CPVL: variants seen among roughly 807,000 people sequenced by gnomAD.
The protein encoded by CPVL is carboxypeptidase vitellogenic like.
In CPVL, 51 loss-of-function variants were observed where a neutral mutation model predicts 63.7. The observed-to-expected ratio is 0.80, with a 90% CI of 0.64 to 1.01. The LOEUF (loss-of-function observed/expected upper bound fraction) is 1.01, where lower values mean the gene tolerates loss of function less well. Ranked by LOEUF, CPVL falls within the 50% of genes least tolerant of loss-of-function variation. The pLI, the probability that CPVL is intolerant of heterozygous loss-of-function variation, is 0.00. For synonymous variants in CPVL, 195 were observed against 206.0 expected, an observed-to-expected ratio of 0.95 and a Z score of 0.46; for missense variants, 530 against 573.1, an observed-to-expected ratio of 0.92 and a Z score of 0.77.
chr7:29,039,360 T>C (rs1478253106), intron 11 of CPVL, among the ~76,000 whole-genome samples: 2 of 152,140 alleles, frequency 1.3e-5, no homozygotes, highest in Non-Finnish European at 2.9e-5. Flanking sequence ...AAGGCAGATA[T>C]AAAGCAACCA....
At chr7:29,163,237 G>A (rs527369166) in intron 5 of CPVL, among the ~76,000 whole-genome samples, 147 of 152,102 alleles carry the variant, frequency 9.7e-4, no homozygotes, top group Non-Finnish European at 1.5e-3. Flanking sequence ...AATCTAAGAC[G>A]TGCTACAAGT....
chr7:29,058,876 T>G (rs1427971535), intron 11 of CPVL, among the ~76,000 whole-genome samples: 1 of 152,104 alleles, frequency 6.6e-6, no homozygotes, highest in Non-Finnish European at 1.5e-5. Context: ...CCTCCTTTTC[T>G]TGATTATTTT....
intron 1 of CPVL, among the ~76,000 whole-genome samples, chr7:29,123,624 A>T (rs1321259288): frequency 0.011 from 993 of 88,600 alleles, 3 homozygotes; most frequent in Middle Eastern, 0.015. Flanking sequence ...AAAAAAAAAA[A>T]AAAAATATAT....
At chr7:29,151,060 G>A (rs1484267197), upstream of CPVL, among the ~76,000 whole-genome samples, 1 of 152,110 alleles carries the variant, frequency 6.6e-6, no homozygotes, top group Non-Finnish European at 1.5e-5. Flanking sequence ...CCCAGGTGGC[G>A]GTAACCAAGC....
chr7:29,030,900 AATAAC>A, intron 11 of CPVL, 141 bp from the exon 12 acceptor site: 1 of 723,916 alleles, frequency 1.4e-6, no homozygotes, highest in Non-Finnish European at 2.2e-6. Flanking sequence ...AGCCATAAAG[AATAAC>A]AATCCGAAAT....
chr7:29,151,794 A>T (rs1036439145), intron 5 of CPVL, among the ~76,000 whole-genome samples: 2 of 152,150 alleles, frequency 1.3e-5, no homozygotes, highest in African/African-American at 4.8e-5. Flanking sequence ...CTTCTCATGT[A>T]TGGGAAGAGA....
chr7:29,149,382 C>T (rs1013558119), upstream of CPVL, among the ~76,000 whole-genome samples: 35 of 151,864 alleles, frequency 2.3e-4, no homozygotes, highest in African/African-American at 5.3e-4. Context: ...GTAGTAGACA[C>T]GGGGTTTCAC....
chr7:29,114,001 C>G (rs1325738657), intron 2 of CPVL, among the ~76,000 whole-genome samples: 1 of 152,318 alleles, frequency 6.6e-6, no homozygotes, highest in Non-Finnish European at 1.5e-5. Flanking sequence ...GGAAGCTTGA[C>G]TCCTCACATG....
chr7:29,064,988 C>G (rs1783008331), intron 10 of CPVL, among the ~76,000 whole-genome samples: 1 of 150,666 alleles, frequency 6.6e-6, no homozygotes, highest in African/African-American at 2.4e-5. Flanking sequence ...GAAAATATGT[C>G]AAATGTGAAA....
chr7:29,034,697 GA>G (rs577857915), intron 11 of CPVL, among the ~76,000 whole-genome samples: 1 of 151,722 alleles, frequency 6.6e-6, no homozygotes, highest in Non-Finnish European at 1.5e-5. Flanking sequence ...CAGGTTATGA[GA>G]CTGGCTATTT....
chr7:29,149,328 G>A (rs1468805795), upstream of CPVL, among the ~76,000 whole-genome samples: 1 of 151,450 alleles, frequency 6.6e-6, no homozygotes, highest in Non-Finnish European at 1.5e-5. Context: ...AGTAAGCTGG[G>A]ACTACAAGCA....
At chr7:29,153,283 T>G (rs533698610) in intron 5 of CPVL, among the ~76,000 whole-genome samples, 9 of 152,318 alleles carry the variant, frequency 5.9e-5, no homozygotes, top group South Asian at 4.2e-4. Context: ...TGGAAATAAA[T>G]AAACATCTGT....
intron 9 of CPVL, among the ~76,000 whole-genome samples, chr7:29,071,103 A>G (rs754314086): frequency 8.5e-5 from 13 of 152,214 alleles, no homozygotes; most frequent in South Asian, 2.1e-4. Flanking sequence ...GCATTGGCAA[A>G]AAAAGCAAAA....
At chr7:29,183,647 G>A (rs1302056512) in intron 4 of CPVL, among the ~76,000 whole-genome samples, 2 of 152,154 alleles carry the variant, frequency 1.3e-5, no homozygotes, top group African/African-American at 4.8e-5. Context: ...AAAGTACTAG[G>A]ATTACAGGTG....
chr7:29,051,926 T>C (rs1230036684), intron 11 of CPVL, among the ~76,000 whole-genome samples: 1 of 98,262 alleles, frequency 1.0e-5, no homozygotes, highest in African/African-American at 2.9e-5. Context: ...TCCACATATA[T>C]ATATTCCAAA....
intron 5 of CPVL, among the ~76,000 whole-genome samples, chr7:29,163,425 A>G (rs1210865370): frequency 6.6e-6 from 1 of 152,190 alleles, no homozygotes; most frequent in African/African-American, 2.4e-5. Flanking sequence ...AAAATTACAT[A>G]TGTGATTCAT....
chr7:29,048,576 A>G (rs1376038916), intron 11 of CPVL, among the ~76,000 whole-genome samples: 5 of 152,208 alleles, frequency 3.3e-5, no homozygotes, highest in Non-Finnish European at 5.9e-5. Context: ...AGAGCAACAC[A>G]TTAATAGTGG....
At chr7:29,148,548 C>T (rs1190594859), upstream of CPVL, 2 of 152,180 alleles carry the variant, frequency 1.3e-5, no homozygotes, top group Non-Finnish European at 2.9e-5. Flanking sequence ...GAGAAAATTA[C>T]ATTTATTAAA....
chr7:29,074,257 G>A (rs1188285917), intron 7 of CPVL, among the ~76,000 whole-genome samples: 2 of 152,116 alleles, frequency 1.3e-5, no homozygotes, highest in Non-Finnish European at 2.9e-5. Flanking sequence ...AATTATTTAG[G>A]TAAAGTATTG....
Sources: allele counts gnomAD v4.1 joint callset (sites outside exome capture counted in the v4.1 genomes callset), GRCh38; gene constraint gnomAD v4.1.1; transcripts MANE v1.5; gene names NCBI Gene and HGNC (gene_info 2026-07-23, HGNC 2026-07-21).